The following PDE7B variants were observed in gnomAD, a reference collection of about 807,000 sequenced individuals.
The protein encoded by PDE7B is 3',5'-cyclic-AMP phosphodiesterase 7B.
A neutral mutation model predicts 56.2 loss-of-function variants in PDE7B; 29 were observed. The observed-to-expected ratio is 0.52, with a 90% CI of 0.38 to 0.70. PDE7B has a LOEUF of 0.70. Ranked by LOEUF, PDE7B falls within the 30% of genes least tolerant of loss-of-function variation. The probability of loss-of-function intolerance (pLI) is 0.00; values close to 1 mark genes in which losing one functional copy is unlikely to be tolerated. For missense variants in PDE7B, 490 were observed against 565.0 expected (o/e 0.87, Z 1.35); for synonymous variants, 197 against 196.9 (o/e 1.00, Z 0.00).
chr6:136,024,918 A>G (rs1321637708), intron 2 of PDE7B, among the ~76,000 whole-genome samples: 3 of 152,184 alleles, frequency 2.0e-5, no homozygotes, highest in Non-Finnish European at 4.4e-5. Flanking sequence ...TGAAACCACA[A>G]GCTGATTTCT....
At chr6:136,137,442 A>G (rs542844844) in intron 3 of PDE7B, among the ~76,000 whole-genome samples, 2 of 152,232 alleles carry the variant, frequency 1.3e-5, no homozygotes, top group East Asian at 3.9e-4. Flanking sequence ...AGGTTTATGT[A>G]GTTGGATCTC....
At chr6:136,172,921 A>G (rs1778915503) in intron 8 of PDE7B, among the ~76,000 whole-genome samples, 1 of 152,134 alleles carries the variant, frequency 6.6e-6, no homozygotes, top group Non-Finnish European at 1.5e-5. Flanking sequence ...AAAGAGAATA[A>G]AATACCTAGG....
chr6:135,894,317 C>A (rs999323720), intron 1 of PDE7B, among the ~76,000 whole-genome samples: 2 of 152,072 alleles, frequency 1.3e-5, no homozygotes, highest in African/African-American at 4.8e-5. Flanking sequence ...ATGTTAAGAA[C>A]TATAGAGTGA....
intron 1 of PDE7B, among the ~76,000 whole-genome samples, chr6:135,877,845 C>G (rs1427618028): frequency 6.6e-6 from 1 of 151,682 alleles, no homozygotes; most frequent in Non-Finnish European, 1.5e-5. Context: ...AAGTGGGAAA[C>G]GGGAAAGAGT....
Position 136,191,882 on chromosome 6 carries a change from C to T in PDE7B, c.*42C>T. On this transcript the variant is annotated 3_prime_UTR_variant, in exon 13 of 13. Coordinates refer to ENST00000308191, the MANE Select transcript of PDE7B (RefSeq NM_018945.4). ...GACGCGGCTCTCCTCCGGCAGGGCC[C>T]CCAGAGGGCAGAAGCAGCGTGGAGG... is the stretch of plus-strand genomic sequence containing the variant. 1 of 1,465,716 alleles carries T rather than the reference C, an allele frequency of 6.8e-7. No homozygotes were observed. Among genetic ancestry groups the T allele is most frequent in the African/African-American group, 1.4e-5 (1 of 71,490 alleles). 90.8% of individuals were successfully genotyped at this position (1,465,716 alleles called of 1,614,324 possible).
intron 3 of PDE7B, among the ~76,000 whole-genome samples, chr6:136,145,350 C>T (rs1369836657): frequency 6.6e-6 from 1 of 152,050 alleles, no homozygotes; most frequent in Non-Finnish European, 1.5e-5. Context: ...TTAAATGATT[C>T]CATCATTTTT....
At chr6:135,860,973 G>A (rs1775134533) in intron 1 of PDE7B, among the ~76,000 whole-genome samples, 1 of 151,654 alleles carries the variant, frequency 6.6e-6, no homozygotes, top group African/African-American at 2.4e-5. Flanking sequence ...TTACATGTTT[G>A]GCACCTGAGG....
chr6:135,863,694 T>C, intron 1 of PDE7B, among the ~76,000 whole-genome samples: 1 of 125,260 alleles, frequency 8.0e-6, no homozygotes, highest in Admixed American at 7.4e-5. Context: ...CCCTTCCAAT[T>C]TTTTTTTTTT....
chr6:136,083,678 G>T (rs1245824948), intron 2 of PDE7B, among the ~76,000 whole-genome samples: 1 of 152,054 alleles, frequency 6.6e-6, no homozygotes, highest in East Asian at 1.9e-4. Flanking sequence ...TAAACAAACT[G>T]GCCTTTTAGT....
At chr6:136,159,331 A>G (rs1303297651) in intron 8 of PDE7B, among the ~76,000 whole-genome samples, 1 of 152,194 alleles carries the variant, frequency 6.6e-6, no homozygotes, top group Non-Finnish European at 1.5e-5. Flanking sequence ...AGTAGTGCTA[A>G]AATTATAAAA....
At chr6:135,883,223 C>G (rs955278738) in intron 1 of PDE7B, among the ~76,000 whole-genome samples, 2 of 152,150 alleles carry the variant, frequency 1.3e-5, no homozygotes, top group African/African-American at 4.8e-5. Flanking sequence ...CCCCCTAAAG[C>G]CTGTTAAACA....
At chr6:136,062,655 G>T (rs745341460) in intron 2 of PDE7B, among the ~76,000 whole-genome samples, 5 of 152,154 alleles carry the variant, frequency 3.3e-5, no homozygotes, top group Non-Finnish European at 7.3e-5. Context: ...GATGGAAGAA[G>T]ATCATTACAG....
intron 2 of PDE7B, among the ~76,000 whole-genome samples, chr6:136,058,103 C>G (rs1776770420): frequency 6.6e-6 from 1 of 152,134 alleles, no homozygotes; most frequent in African/African-American, 2.4e-5. Context: ...CCAACCACTG[C>G]TTTTTAGGAA....
At chr6:135,958,384 A>AGTTG (rs1774838336) in intron 2 of PDE7B, among the ~76,000 whole-genome samples, 2 of 152,332 alleles carry the variant, frequency 1.3e-5, no homozygotes, top group Non-Finnish European at 2.9e-5. Flanking sequence ...AATGTTCCAG[A>AGTTG]GACAATGTCA....
At chr6:136,081,743 T>C (rs1346187160) in intron 2 of PDE7B, among the ~76,000 whole-genome samples, 2 of 152,250 alleles carry the variant, frequency 1.3e-5, no homozygotes, top group Non-Finnish European at 2.9e-5. Flanking sequence ...TAGTCAACAG[T>C]GTTTACTGGG....
chr6:136,123,557 G>A (rs1304252179), intron 3 of PDE7B, among the ~76,000 whole-genome samples: 1 of 152,196 alleles, frequency 6.6e-6, no homozygotes, highest in Non-Finnish European at 1.5e-5. Flanking sequence ...GGACAAGCAA[G>A]TTCTAGTTGG....
At chr6:135,972,689 G>A (rs1263754820) in intron 2 of PDE7B, among the ~76,000 whole-genome samples, 2 of 152,034 alleles carry the variant, frequency 1.3e-5, no homozygotes, top group African/African-American at 4.8e-5. Flanking sequence ...GGTCAGAAAC[G>A]AACCATCTTA....
chr6:136,165,373 C>A (rs1017164259), intron 8 of PDE7B: 2 of 152,088 alleles, frequency 1.3e-5, no homozygotes, highest in African/African-American at 4.8e-5. Context: ...TTCCTATGCC[C>A]AAACCAAGCC....
chr6:136,178,966 G>C (rs779837552), intron 9 of PDE7B, 31 bp from the exon 10 acceptor site: 17 of 1,612,674 alleles, frequency 1.1e-5, no homozygotes, highest in Middle Eastern at 1.6e-4. Context: ...TGCTTTGTGT[G>C]TGTTTTTCTC....
Sources: gnomAD v4.1 joint callset for allele counts (sites outside exome capture counted in the v4.1 genomes callset) on GRCh38, gnomAD v4.1.1 for gene constraint, MANE v1.5 for transcripts, NCBI Gene and HGNC (gene_info 2026-07-23, HGNC 2026-07-21) for gene names.